The following PDE1C variants were observed in gnomAD, a reference collection of about 807,000 sequenced individuals.
PDE1C encodes the protein phosphodiesterase 1C.
In PDE1C, 62 loss-of-function variants were observed where a neutral mutation model predicts 93.1. That is an observed-to-expected ratio of 0.67 (90% CI 0.54 to 0.82). The LOEUF (loss-of-function observed/expected upper bound fraction) is 0.82. Ranked by LOEUF, PDE1C falls within the 40% of genes least tolerant of loss-of-function variation. PDE1C has a pLI of 0.00. For missense variants in PDE1C, 742 were observed against 884.6 expected, an observed-to-expected ratio of 0.84 and a Z score of 2.04; for synonymous variants, 325 against 310.1, an observed-to-expected ratio of 1.05 and a Z score of -0.50.
At chr7:32,301,023 G>A (rs896211243), upstream of PDE1C, among the ~76,000 whole-genome samples, 1 of 151,852 alleles carries the variant, frequency 6.6e-6, no homozygotes, top group Non-Finnish European at 1.5e-5. Context: ...AAAAATTGTA[G>A]AGGCAAGGTC....
At chr7:32,398,481 T>C (rs215728) in intron 1 of PDE1C, among the ~76,000 whole-genome samples, 142,451 of 151,350 alleles carry the variant, frequency 0.94, 67,483 homozygotes, top group East Asian at 1. Context: ...CTCCACTACC[T>C]GGGTTCAAGT....
At chr7:31,918,766 C>A (rs1269721681) in intron 2 of PDE1C, among the ~76,000 whole-genome samples, 2 of 152,126 alleles carry the variant, frequency 1.3e-5, no homozygotes, top group African/African-American at 4.8e-5. Context: ...TCGTCATTGC[C>A]TTGCTGTCAC....
At chr7:31,880,243 C>T (rs764946035) in intron 3 of PDE1C, among the ~76,000 whole-genome samples, 23 of 152,126 alleles carry the variant, frequency 1.5e-4, no homozygotes, top group Non-Finnish European at 3.2e-4. Context: ...CGCTTTAATA[C>T]GTTTAGATAA....
chr7:32,020,712 C>T (rs1468720071), intron 2 of PDE1C, among the ~76,000 whole-genome samples: 1 of 152,090 alleles, frequency 6.6e-6, no homozygotes, highest in African/African-American at 2.4e-5. Context: ...TGTATTCAAA[C>T]AAGGCCCAAA....
chr7:32,042,847 G>A (rs886760953), intron 2 of PDE1C, among the ~76,000 whole-genome samples: 1 of 152,172 alleles, frequency 6.6e-6, no homozygotes, highest in Admixed American at 6.5e-5. Context: ...ACTTCCTCCT[G>A]GAAGGACCTC....
At chr7:32,404,790 C>G (rs1469292472) in intron 1 of PDE1C, among the ~76,000 whole-genome samples, 1 of 152,158 alleles carries the variant, frequency 6.6e-6, no homozygotes, top group Non-Finnish European at 1.5e-5. Flanking sequence ...GGAGGAACAG[C>G]CTCCAATTGA....
chr7:31,623,621 A>G, the PDE1C span, among the ~76,000 whole-genome samples: 46 of 131,038 alleles, frequency 3.5e-4, no homozygotes, highest in African/African-American at 1.2e-3. Context: ...AATAAGAGCT[A>G]TCTATGACAA....
chr7:31,765,551 A>T (rs1190383822), intron 17 of PDE1C, among the ~76,000 whole-genome samples: 1 of 152,218 alleles, frequency 6.6e-6, no homozygotes, highest in Non-Finnish European at 1.5e-5. Context: ...CTTTGTTCAC[A>T]CTAACAGTGG....
At chr7:31,779,577 T>G (rs956959380) in intron 16 of PDE1C, among the ~76,000 whole-genome samples, 1 of 152,198 alleles carries the variant, frequency 6.6e-6, no homozygotes, top group Non-Finnish European at 1.5e-5. Context: ...CTCTGTTAGC[T>G]TGGTGAGATG....
intron 1 of PDE1C, among the ~76,000 whole-genome samples, chr7:32,424,641 AC>A (rs1487097990): frequency 6.6e-6 from 1 of 152,080 alleles, no homozygotes; most frequent in Non-Finnish European, 1.5e-5. Flanking sequence ...CCCTGTCTTT[AC>A]AAAAAATAGA....
intron 2 of PDE1C, among the ~76,000 whole-genome samples, chr7:31,898,286 C>G (rs951403884): frequency 1.2e-4 from 18 of 151,972 alleles, no homozygotes; most frequent in African/African-American, 3.4e-4. Flanking sequence ...AATAAAATCA[C>G]ATAAAATTGT....
intron 2 of PDE1C, among the ~76,000 whole-genome samples, chr7:32,190,442 G>A (rs1049717439): frequency 1.3e-5 from 2 of 152,212 alleles, no homozygotes; most frequent in African/African-American, 4.8e-5. Context: ...ACACTATTGA[G>A]TTGGTGCTCC....
intron 2 of PDE1C, among the ~76,000 whole-genome samples, chr7:32,205,063 C>T: frequency 6.6e-6 from 1 of 152,206 alleles, no homozygotes; most frequent in East Asian, 1.9e-4. Context: ...ACCAGCCACA[C>T]TTATTGAGCG....
intron 17 of PDE1C, among the ~76,000 whole-genome samples, chr7:31,756,334 A>G (rs6952741): frequency 0.45 from 68,499 of 151,994 alleles, 15,980 homozygotes; most frequent in African/African-American, 0.53. Context: ...CCAAAAATAT[A>G]TAACCCCATT....
intron 3 of PDE1C, among the ~76,000 whole-genome samples, chr7:32,112,840 G>GTATATATATATA (rs1563322964): frequency 9.3e-5 from 5 of 53,664 alleles, no homozygotes; most frequent in African/African-American, 4.7e-4. Context: ...GTGTGTGTGT[G>GTATATATATATA]TGTGTGTATA....
intron 1 of PDE1C, among the ~76,000 whole-genome samples, chr7:32,212,692 T>C (rs1806135161): frequency 6.6e-6 from 1 of 152,164 alleles, no homozygotes; most frequent in African/African-American, 2.4e-5. Flanking sequence ...TCCTCCCTCA[T>C]CTTCACCTGG....
At chr7:31,750,886 C>G (rs1433676555), downstream of PDE1C, among the ~76,000 whole-genome samples, 1 of 152,186 alleles carries the variant, frequency 6.6e-6, no homozygotes, top group African/African-American at 2.4e-5. Flanking sequence ...CAATTCTTAA[C>G]CACTAGCAAG....
chr7:31,828,423 C>T (rs762387835), intron 11 of PDE1C, 50 bp from the exon 12 acceptor site: 51 of 1,469,352 alleles, frequency 3.5e-5, no homozygotes, highest in Admixed American at 8.9e-5. Context: ...GGCTGGGTCA[C>T]CCAGATTTCA....
chr7:31,928,831 T>A (rs570179506), intron 2 of PDE1C, among the ~76,000 whole-genome samples: 9 of 152,130 alleles, frequency 5.9e-5, no homozygotes, highest in African/African-American at 2.2e-4. Context: ...TGCAAAAACA[T>A]ACCAAATTAT....
Sources: allele counts gnomAD v4.1 joint callset (sites outside exome capture counted in the v4.1 genomes callset), GRCh38; gene constraint gnomAD v4.1.1; transcripts MANE v1.5; gene names NCBI Gene and HGNC (gene_info 2026-07-23, HGNC 2026-07-21).